LAMB3: variants seen among roughly 807,000 people sequenced by gnomAD.
LAMB3 encodes laminin subunit beta 3, also known as laminin subunit beta-3.
In LAMB3, 104 loss-of-function variants were observed where a neutral mutation model predicts 140.3. The observed-to-expected ratio is 0.74, with a 90% CI of 0.63 to 0.87. LAMB3 has a LOEUF of 0.87. Among genes scored for constraint, LAMB3 ranks in the 40% least tolerant of loss-of-function variants. LAMB3 has a pLI of 0.00. For missense variants in LAMB3, 1,531 were observed against 1,575.2 expected, an observed-to-expected ratio of 0.97 and a Z score of 0.47; for synonymous variants, 592 against 602.9, an observed-to-expected ratio of 0.98 and a Z score of 0.26.
At chr1:209,622,140 C>CT (rs1666218057) in intron 18 of LAMB3, among the ~76,000 whole-genome samples, 1 of 152,172 alleles carries the variant, frequency 6.6e-6, no homozygotes, top group African/African-American at 2.4e-5. Context: ...CAAGGACAGC[C>CT]AGTGAACAAA....
intron 18 of LAMB3, among the ~76,000 whole-genome samples, chr1:209,619,320 T>C (rs1276679468): frequency 6.6e-6 from 1 of 152,160 alleles, no homozygotes; most frequent in Non-Finnish European, 1.5e-5. Context: ...TCTTTTCCTC[T>C]AGAATGTAAG....
intron 2 of LAMB3, among the ~76,000 whole-genome samples, chr1:209,650,639 G>A (rs2076557119): frequency 6.6e-6 from 1 of 152,266 alleles, no homozygotes; most frequent in South Asian, 2.1e-4. Flanking sequence ...CTTGAGAAAG[G>A]ATGGGAAACT....
chr1:209,617,846 C>A (rs1666031125), intron 20 of LAMB3, 61 bp downstream of exon 20: 3 of 1,607,458 alleles, frequency 1.9e-6, no homozygotes, highest in Admixed American at 1.7e-5. Flanking sequence ...TTTTCTATGC[C>A]TGGTGCCCAA....
intron 11 of LAMB3, among the ~76,000 whole-genome samples, 187 bp downstream of exon 11, chr1:209,627,848 G>A (rs1464480513): frequency 1.3e-5 from 2 of 152,364 alleles, no homozygotes; most frequent in South Asian, 2.1e-4. Context: ...GAGGCCAGTG[G>A]CACAGCATCT....
rs748199854 is a variant in LAMB3 at position 209,627,435 on chromosome 1, C to T, written c.1433G>A (p.Cys478Tyr). 3 of 1,613,956 alleles carry T rather than the reference C, an allele frequency of 1.9e-6. No homozygotes were observed. The highest frequency in any genetic ancestry group is 2.2e-5 in the South Asian group (2 of 91,092). Residue 478 changes from cysteine to tyrosine, a missense_variant, in exon 12 of 23, where the codon TGT becomes TAT. Coordinates refer to ENST00000356082, the MANE Select transcript of LAMB3 (RefSeq NM_000228.3). The part of the protein sequence containing the change: ...YHWKLASGQG[C>Y]EPCACDPHNS... ...GTGCGGGTCGCAGGCACACGGTTCA[C>T]AGCCCTGGCCACTGGCCAGCTTCCA...
Position 209,616,584 on chromosome 1 carries a change from T to A in LAMB3, c.3269A>T (p.Asp1090Val), listed in dbSNP as rs1665976459. The A allele has an allele frequency of 6.2e-7, 1 of 1,614,176 alleles. No individual in the cohort carries two copies. Among genetic ancestry groups the A allele is most frequent in the Non-Finnish European group, 8.5e-7 (1 of 1,180,020 alleles). Residue 1090 changes from aspartate to valine, a missense_variant, in exon 22 of 23, where the codon GAC becomes GTC. Coordinates refer to ENST00000356082, the MANE Select transcript of LAMB3 (RefSeq NM_000228.3). Reference protein sequence around the residue: ...RIKQKYAELKDRLGQSSMLGE... With the variant: ...RIKQKYAELKVRLGQSSMLGE... ...CAGCATGGAACTCTGACCCAACCGG[T>A]CCTTCAACTCAGCATACTTTTGTTT...
intron 18 of LAMB3, among the ~76,000 whole-genome samples, chr1:209,620,335 G>C (rs146906269): frequency 7.4e-4 from 113 of 152,310 alleles, no homozygotes; most frequent in East Asian, 6.6e-3. Context: ...CAGGTGCTAT[G>C]ATGGCCATGG....
intron 1 of LAMB3, among the ~76,000 whole-genome samples, chr1:209,651,694 G>T (rs891017543): frequency 6.6e-6 from 1 of 152,198 alleles, no homozygotes; most frequent in African/African-American, 2.4e-5. Context: ...TTCTGAAGGA[G>T]GCTGGGGAAG....
intron 14 of LAMB3, 51 bp downstream of exon 14, chr1:209,625,597 G>A (rs1666404808): frequency 2.5e-6 from 4 of 1,609,756 alleles, no homozygotes; most frequent in Non-Finnish European, 3.4e-6. Context: ...CCCGGTACTG[G>A]AACCCCTGGA....
rs112316651 is a variant in LAMB3, at chr1:209,627,455, C to T, written c.1413G>A (p.Lys471=). 522 of 1,614,018 alleles carry T rather than the reference C, an allele frequency of 3.2e-4. No individual in the cohort carries two copies. Among genetic ancestry groups the T allele is most frequent in the African/African-American group, 3.1e-3 (236 of 75,056 alleles). ...GTTCACAGCCCTGGCCACTGGCCAGCTTCCAGTGGTAGGGAGCACACTGGT... is the reference window on the plus strand; with the variant it reads ...GTTCACAGCCCTGGCCACTGGCCAGTTTCCAGTGGTAGGGAGCACACTGGT... ...KCDQCAPYHW[K]LASGQGCEPC... The change falls in exon 12 of 23, where the codon AAG becomes AAA. Residue 471 remains lysine, a synonymous_variant. Coordinates refer to ENST00000356082, the MANE Select transcript of LAMB3 (RefSeq NM_000228.3).
intron 21 of LAMB3, 96 bp downstream of exon 21, chr1:209,617,314 T>C (rs1439022737): frequency 7.4e-7 from 1 of 1,348,778 alleles, no homozygotes; most frequent in East Asian, 2.3e-5. Flanking sequence ...CTAAGCACTT[T>C]TGAGTTTGTG....
In LAMB3 at chr1:209,622,546, G is replaced by A. The variant is rs1309728833; in HGVS notation, c.2691C>T (p.Asp897=). 6.2e-7 allele frequency: 1 copy of A among 1,613,918 alleles called. No individual in the cohort carries two copies. The highest frequency in any genetic ancestry group is 8.5e-7 in the Non-Finnish European group (1 of 1,179,982). Residue 897 remains aspartate, a synonymous_variant, in exon 18 of 23, where the codon GAC becomes GAT. Coordinates refer to ENST00000356082, the MANE Select transcript of LAMB3 (RefSeq NM_000228.3). ...RTRLLIQQVR[D]FLTDPDTDAA... ...GGAGACTGGGCTCACCTGTTAGGAA[G>A]TCCCGGACCTGCTGGATTAGGAGCC...
At position 209,650,997 on chromosome 1, in the gene LAMB3, G is replaced by A; in HGVS notation, c.-37-16C>T. Reference sequence around the variant, plus strand: ...AGGACCTTTCCTAGGACACAGCAAAGCAAACTGGGTACAACAGTGCAAACC... The same window carrying A: ...AGGACCTTTCCTAGGACACAGCAAAACAAACTGGGTACAACAGTGCAAACC... On this transcript the variant is annotated splice_polypyrimidine_tract_variant and intron_variant, in intron 1 of 22. Transcript: ENST00000356082. 1 of 1,553,094 alleles carries A rather than the reference G, an allele frequency of 6.4e-7. No homozygotes were observed. Among genetic ancestry groups the A allele is most frequent in the Non-Finnish European group, 8.9e-7 (1 of 1,124,182 alleles).
chr1:209,638,772 A>G, intron 3 of LAMB3, 124 bp from the exon 4 acceptor site: 1 of 706,162 alleles, frequency 1.4e-6, no homozygotes, highest in Non-Finnish European at 2.6e-6. Context: ...TAATTTTATT[A>G]ATACAATTTG....
chr1:209,619,225 C>T (rs1666103318), intron 18 of LAMB3, among the ~76,000 whole-genome samples: 2 of 152,348 alleles, frequency 1.3e-5, no homozygotes, highest in South Asian at 2.1e-4. Flanking sequence ...CACACCTTAT[C>T]GTCCCTCCCT....
chr1:209,625,585 T>C (rs1666404220), intron 14 of LAMB3, 63 bp downstream of exon 14: 1 of 1,586,198 alleles, frequency 6.3e-7, no homozygotes. Flanking sequence ...AGGACCAGCA[T>C]GCCCGGTACT....
At position 209,617,596 on chromosome 1, in the gene LAMB3, A is replaced by T. The variant is rs1042895106; in HGVS notation, c.3052-10T>A. On this transcript the variant is annotated splice_polypyrimidine_tract_variant and intron_variant, in intron 20 of 22. Transcript: ENST00000356082. ...GCAGTACCTGCTGAACCTTTGTGGA[A>T]AGAGGGAGATCTGGCCTTTGTGGTG... The T allele has an allele frequency of 1.2e-6, 2 of 1,613,388 alleles. No individual in the cohort carries two copies. Among genetic ancestry groups the T allele is most frequent in the African/African-American group, 2.7e-5 (2 of 74,902 alleles).
intron 11 of LAMB3, 48 bp downstream of exon 11, chr1:209,627,987 C>T: frequency 6.4e-7 from 1 of 1,556,064 alleles, no homozygotes. Context: ...GGTCTGGTGG[C>T]CCCATGCAGC....
intron 3 of LAMB3, among the ~76,000 whole-genome samples, chr1:209,644,235 CT>C (rs1343160914): frequency 6.6e-6 from 1 of 152,222 alleles, no homozygotes; most frequent in Non-Finnish European, 1.5e-5. Context: ...ATACTTTCAA[CT>C]TTGTGTTTTT....
Sources: gnomAD v4.1 joint callset for allele counts (sites outside exome capture counted in the v4.1 genomes callset) on GRCh38, gnomAD v4.1.1 for gene constraint, MANE v1.5 for transcripts, NCBI Gene and HGNC (gene_info 2026-07-23, HGNC 2026-07-21) for gene names.